CATSPERE: variants seen among roughly 807,000 people sequenced by gnomAD.
CATSPERE encodes the protein cation channel sperm-associated auxiliary subunit epsilon.
Under a neutral mutation model 114.1 loss-of-function variants are expected in CATSPERE, and 93 were observed. That is an observed-to-expected ratio of 0.81 (90% confidence interval 0.69 to 0.97). CATSPERE has a LOEUF of 0.97. CATSPERE is among the 50% of genes least tolerant of loss of function. The pLI is 0.00. For synonymous variants in CATSPERE, 341 were observed against 384.1 expected (o/e 0.89, Z 1.31); for missense variants, 1,058 against 1,131.6 (o/e 0.93, Z 0.93).
intron 8 of CATSPERE, among the ~76,000 whole-genome samples, chr1:244,521,939 C>T (rs1041167335): frequency 6.6e-6 from 1 of 152,044 alleles, no homozygotes. Context: ...GACAGAAAGT[C>T]AACAAGGATA....
Position 244,610,906 on chromosome 1 carries a change from A to G in CATSPERE, c.2490+580A>G, listed in dbSNP as rs191006654. Among the ~76,000 whole-genome samples, 1,314 of 152,122 alleles carry G rather than the reference A, an allele frequency of 8.6e-3. 6 individuals are homozygous for G. The highest frequency in any genetic ancestry group is 0.013 in the Admixed American group (203 of 15,278). ...CTCCTGAGTAGCTGGGACTACAGGCATGTGCCACCACGCCTGGCTAATTTT... is the reference window on the plus strand; with the variant it reads ...CTCCTGAGTAGCTGGGACTACAGGCGTGTGCCACCACGCCTGGCTAATTTT... On this transcript the variant is annotated intron_variant, in intron 19 of 21. Transcript: ENST00000366534.
At chr1:244,484,760 A>C (rs1670737975) in intron 5 of CATSPERE, among the ~76,000 whole-genome samples, 1 of 152,130 alleles carries the variant, frequency 6.6e-6, no homozygotes, top group Non-Finnish European at 1.5e-5. Flanking sequence ...ATTCTCAGAC[A>C]TGTTTTCTCA....
chr1:244,483,835 T>G lies in CATSPERE; in HGVS notation c.326+4051T>G, dbSNP rs190645995. Among the ~76,000 whole-genome samples the G allele has an allele frequency of 4.9e-4, 75 of 152,244 alleles. No homozygotes were observed. The East Asian group carries it at 0.014, about 29-fold the overall frequency. ...GTGGATAAATTTATTAATCCTTTCC[T>G]TTGTGGGTTTATGCCTTTTAAAATC... is the stretch of plus-strand genomic sequence containing the variant. On this transcript the variant is annotated intron_variant, in intron 5 of 21. Coordinates refer to ENST00000366534, the MANE Select transcript of CATSPERE (RefSeq NM_001130957.2).
chr1:244,565,147 T>A (rs1663242351), intron 10 of CATSPERE, among the ~76,000 whole-genome samples: 1 of 152,246 alleles, frequency 6.6e-6, no homozygotes, highest in Non-Finnish European at 1.5e-5. Context: ...GGATTTTGTT[T>A]GTCAGTATTT....
chr1:244,589,887 T>G (rs1667507087), intron 14 of CATSPERE, among the ~76,000 whole-genome samples: 1 of 152,216 alleles, frequency 6.6e-6, no homozygotes, highest in South Asian at 2.1e-4. Flanking sequence ...CTGGGCCTCT[T>G]AGTCAATGAC....
At chr1:244,496,919 A>G (rs1295173108) in intron 6 of CATSPERE, among the ~76,000 whole-genome samples, 1 of 152,204 alleles carries the variant, frequency 6.6e-6, no homozygotes, top group Non-Finnish European at 1.5e-5. Context: ...AGAAATAACC[A>G]AAATACAGTT....
In CATSPERE at chr1:244,605,770, T is replaced by C; in HGVS notation, c.2379T>C (p.Tyr793=). 1 of 1,612,980 alleles carries C rather than the reference T, an allele frequency of 6.2e-7. No individual in the cohort carries two copies. Among genetic ancestry groups the C allele is most frequent in the Non-Finnish European group, 8.5e-7 (1 of 1,179,172 alleles). ...GGGAAATACACGGCAGGGATGACTA[T>C]AGCTTTAATAATACTATGGCACAGG... ...IVWEIHGRDD[Y]SFNNTMAQSG... Residue 793 remains tyrosine, a synonymous_variant, in exon 18 of 22, where the codon TAT becomes TAC. Coordinates refer to ENST00000366534, the MANE Select transcript of CATSPERE (RefSeq NM_001130957.2).
chr1:244,498,172 T>C (rs1046096240), intron 6 of CATSPERE, among the ~76,000 whole-genome samples: 1 of 152,204 alleles, frequency 6.6e-6, no homozygotes, highest in African/African-American at 2.4e-5. Context: ...TAATTTAGAA[T>C]AACATCCAAC....
intron 7 of CATSPERE, among the ~76,000 whole-genome samples, chr1:244,508,295 TTTC>T (rs891615956): frequency 2.1e-4 from 32 of 151,138 alleles, no homozygotes; most frequent in Non-Finnish European, 4.3e-4. Flanking sequence ...ACTACTGTTT[TTTC>T]TTTTCTTTTT....
At chr1:244,461,519 A>C (rs1466621029) in intron 1 of CATSPERE, 25 bp downstream of exon 1, 1 of 1,287,440 alleles carries the variant, frequency 7.8e-7, no homozygotes, top group African/African-American at 1.5e-5. Flanking sequence ...GTCGCAGGCG[A>C]GCGACTAGGC....
chr1:244,617,128 G>A (rs1671498968), intron 19 of CATSPERE, among the ~76,000 whole-genome samples: 1 of 152,172 alleles, frequency 6.6e-6, no homozygotes, highest in African/African-American at 2.4e-5. Context: ...CATGGTAATG[G>A]TAATGGGGCT....
At chr1:244,629,311 T>C (rs1419401761) in intron 20 of CATSPERE, among the ~76,000 whole-genome samples, 2 of 152,120 alleles carry the variant, frequency 1.3e-5, no homozygotes, top group African/African-American at 2.4e-5. Context: ...TCTGGCTGAC[T>C]TTCAGGTCCC....
At chr1:244,571,418 A>G (rs1157906644) in intron 10 of CATSPERE, among the ~76,000 whole-genome samples, 2 of 152,234 alleles carry the variant, frequency 1.3e-5, no homozygotes, top group Non-Finnish European at 1.5e-5. Context: ...AAAGAAAACT[A>G]TGAAATCATC....
rs538919602 is a variant in CATSPERE at position 244,552,553 on chromosome 1, T to C, written c.768T>C (p.Asp256=). 7.1e-5 allele frequency: 114 copies of C among 1,614,206 alleles called. 3 individuals are homozygous for C. In the South Asian group the frequency reaches 1.2e-3, roughly 16 times the overall value. The part of the protein sequence containing the change: ...CVVASAVLVT[D]METFHTTDSF... ...TTGCATCTGCTGTTTTGGTGACAGA[T>C]ATGGAGACCTTTCACACAACTGATT... The change falls in exon 9 of 22, where the codon GAT becomes GAC. Residue 256 remains aspartate, a synonymous_variant. Coordinates refer to ENST00000366534, the MANE Select transcript of CATSPERE (RefSeq NM_001130957.2).
At chr1:244,524,474 C>A (rs1260798493) in intron 8 of CATSPERE, among the ~76,000 whole-genome samples, 1 of 151,334 alleles carries the variant, frequency 6.6e-6, no homozygotes, top group African/African-American at 2.4e-5. Flanking sequence ...CAACAAAAGA[C>A]AAAATTGACA....
chr1:244,544,627 C>T (rs1042976415), intron 8 of CATSPERE, among the ~76,000 whole-genome samples: 1 of 152,184 alleles, frequency 6.6e-6, no homozygotes, highest in Non-Finnish European at 1.5e-5. Context: ...GTGCTGAATT[C>T]CTGGAGGCAT....
At chr1:244,488,596 A>G (rs949965353) in intron 5 of CATSPERE, among the ~76,000 whole-genome samples, 13 of 152,190 alleles carry the variant, frequency 8.5e-5, no homozygotes, top group African/African-American at 2.9e-4. Context: ...CCTTCTCTAC[A>G]AGGTTACTGT....
intron 20 of CATSPERE, 79 bp from the exon 21 acceptor site, chr1:244,635,410 G>A (rs1460666835): frequency 9.8e-7 from 1 of 1,021,426 alleles, no homozygotes; most frequent in Non-Finnish European, 1.5e-6. Flanking sequence ...TGGTTTGATT[G>A]TTACCATAGG....
At chr1:244,542,439 A>G (rs943254889) in intron 8 of CATSPERE, among the ~76,000 whole-genome samples, 7 of 152,122 alleles carry the variant, frequency 4.6e-5, no homozygotes, top group Admixed American at 4.6e-4. Flanking sequence ...AATAGTGAAC[A>G]TTGTACTCAA....
Sources: allele counts gnomAD v4.1 joint callset (sites outside exome capture counted in the v4.1 genomes callset), GRCh38; gene constraint gnomAD v4.1.1; transcripts MANE v1.5; gene names NCBI Gene and HGNC (gene_info 2026-07-23, HGNC 2026-07-21).